Variants in AKAP19 observed in about 807,000 individuals in gnomAD.
AKAP19 encodes the protein A-kinase anchoring protein 19.
chr2:189,887,460 T>C, the AKAP19 span, among the ~76,000 whole-genome samples: 8 of 152,346 alleles, frequency 5.3e-5, no homozygotes, highest in Admixed American at 5.2e-4. Context: ...GTCTTTATAA[T>C]AGAATGATTT....
chr2:190,174,705 A>G, the AKAP19 span, among the ~76,000 whole-genome samples: 66 of 152,344 alleles, frequency 4.3e-4, no homozygotes, highest in Non-Finnish European at 8.2e-4. Flanking sequence ...TGAAATAGCA[A>G]ATTTTGGACC....
the AKAP19 span, among the ~76,000 whole-genome samples, chr2:189,937,673 T>G: frequency 6.6e-6 from 1 of 152,176 alleles, no homozygotes; most frequent in Non-Finnish European, 1.5e-5. Context: ...CTCAACATCC[T>G]TGACCATCAG....
At chr2:190,096,405 G>A in the AKAP19 span, among the ~76,000 whole-genome samples, 1 of 152,212 alleles carries the variant, frequency 6.6e-6, no homozygotes, top group African/African-American at 2.4e-5. Flanking sequence ...CTCTTCATGA[G>A]ATGAATTCAG....
chr2:190,198,631 CAAAAAAAAAAAAA>C, the AKAP19 span, among the ~76,000 whole-genome samples: 39 of 70,592 alleles, frequency 5.5e-4, no homozygotes, highest in African/African-American at 1.9e-3. Context: ...GACCCTGTCT[CAAAAAAAAAAAAA>C]AAAAAAAAAA....
At chr2:189,889,425 G>C in the AKAP19 span, among the ~76,000 whole-genome samples, 1 of 152,164 alleles carries the variant, frequency 6.6e-6, no homozygotes, top group Non-Finnish European at 1.5e-5. Flanking sequence ...TTTGTTATCA[G>C]GATGATACTG....
chr2:189,959,786 TCAA>T, the AKAP19 span, among the ~76,000 whole-genome samples: 2 of 152,216 alleles, frequency 1.3e-5, no homozygotes, highest in Non-Finnish European at 2.9e-5. Context: ...CACTTGTAAC[TCAA>T]CAAAATATTT....
the AKAP19 span, among the ~76,000 whole-genome samples, chr2:190,002,105 T>C: frequency 6.6e-6 from 1 of 152,182 alleles, no homozygotes; most frequent in African/African-American, 2.4e-5. Flanking sequence ...GGGGATATGG[T>C]GGGAGTAGCC....
the AKAP19 span, chr2:190,180,466 C>G: frequency 0.014 from 13,716 of 985,388 alleles, 276 homozygotes; most frequent in East Asian, 0.11. This position sits in a 1 kb window ranked among gnomAD's most constrained non-coding sequence, Gnocchi z 6.8. Flanking sequence ...CAGCGAAATG[C>G]CTCGCTGGCT....
chr2:190,145,086 A>G, the AKAP19 span, among the ~76,000 whole-genome samples: 1 of 152,150 alleles, frequency 6.6e-6, no homozygotes, highest in Non-Finnish European at 1.5e-5. Flanking sequence ...GGAGTTCAAG[A>G]CCAGCCTGGG....
the AKAP19 span, among the ~76,000 whole-genome samples, chr2:190,015,962 A>G: frequency 5.9e-5 from 9 of 152,274 alleles, no homozygotes; most frequent in Admixed American, 2.6e-4. Context: ...CCTCATCTCC[A>G]TCTGAGACCA....
At chr2:189,929,823 A>G in the AKAP19 span, among the ~76,000 whole-genome samples, 1 of 152,210 alleles carries the variant, frequency 6.6e-6, no homozygotes, top group African/African-American at 2.4e-5. Context: ...AGTGTTATAA[A>G]ATGCAGCTTT....
chr2:190,030,699 A>C, the AKAP19 span, among the ~76,000 whole-genome samples: 1 of 152,202 alleles, frequency 6.6e-6, no homozygotes, highest in Non-Finnish European at 1.5e-5. Context: ...ACTCAGCTTT[A>C]ACATCTGGAT....
chr2:189,993,216 T>A, the AKAP19 span, among the ~76,000 whole-genome samples: 1 of 152,238 alleles, frequency 6.6e-6, no homozygotes, highest in Non-Finnish European at 1.5e-5. Flanking sequence ...CTGAGGGTTT[T>A]AATCATAAAT....
the AKAP19 span, among the ~76,000 whole-genome samples, chr2:190,070,889 G>T: frequency 1.3e-5 from 2 of 152,108 alleles, no homozygotes; most frequent in African/African-American, 4.8e-5. Flanking sequence ...CCTTTACTTA[G>T]ATTTTCATCA....
the AKAP19 span, among the ~76,000 whole-genome samples, chr2:190,123,830 G>C: frequency 6.6e-6 from 1 of 152,198 alleles, no homozygotes; most frequent in Non-Finnish European, 1.5e-5. Flanking sequence ...AGCGCATGTA[G>C]GTGGAGAAGA....
At chr2:190,076,164 C>G in the AKAP19 span, among the ~76,000 whole-genome samples, 1 of 152,126 alleles carries the variant, frequency 6.6e-6, no homozygotes, top group African/African-American at 2.4e-5. Context: ...TTTTCCAGTG[C>G]TCTTCATTTC....
chr2:190,058,531 A>G, the AKAP19 span, among the ~76,000 whole-genome samples: 32 of 152,096 alleles, frequency 2.1e-4, no homozygotes, highest in Non-Finnish European at 3.7e-4. Context: ...AGAAAATTGT[A>G]TAGTCTTTTA....
the AKAP19 span, among the ~76,000 whole-genome samples, chr2:190,164,974 C>T: frequency 6.6e-6 from 1 of 152,168 alleles, no homozygotes; most frequent in Admixed American, 6.5e-5. Flanking sequence ...TAAGTCACAT[C>T]ATAGGTATGT....
the AKAP19 span, among the ~76,000 whole-genome samples, chr2:190,140,603 C>T: frequency 6.6e-6 from 1 of 152,214 alleles, no homozygotes; most frequent in South Asian, 2.1e-4. Context: ...ACCTTGGCCC[C>T]TTTTAGCCAC....
Sources: gnomAD v4.1 joint callset for allele counts (sites outside exome capture counted in the v4.1 genomes callset) on GRCh38, gnomAD v4.1.1 for gene constraint, Gnocchi (gnomAD v3.1) non-coding constraint, MANE v1.5 for transcripts, NCBI Gene and HGNC (gene_info 2026-07-23, HGNC 2026-07-21) for gene names.